The following CSMD1 variants were observed in gnomAD, a reference collection of about 807,000 sequenced individuals.
CSMD1 encodes the protein CUB and sushi domain-containing protein 1.
A neutral mutation model predicts 417.5 loss-of-function variants in CSMD1; 213 were observed. The observed-to-expected ratio is 0.51, with a 90% CI of 0.46 to 0.57. The LOEUF (loss-of-function observed/expected upper bound fraction) is 0.57. Ranked by LOEUF, CSMD1 falls within the 20% of genes least tolerant of loss-of-function variation. CSMD1 has a pLI of 0.00. For missense variants in CSMD1, 6,923 were observed against 4,529.7 expected (o/e 1.53, Z -15.17); for synonymous variants, 2,862 against 1,736.8 (o/e 1.65, Z -16.11).
intron 5 of CSMD1, among the ~76,000 whole-genome samples, chr8:3,846,151 C>G (rs1226738237): frequency 6.6e-6 from 1 of 152,142 alleles, no homozygotes; most frequent in Non-Finnish European, 1.5e-5. Flanking sequence ...TGATCAGGAT[C>G]AAGCATTATG....
intron 2 of CSMD1, among the ~76,000 whole-genome samples, chr8:4,621,006 A>G (rs1286590364): frequency 1.3e-5 from 2 of 152,042 alleles, no homozygotes; most frequent in Non-Finnish European, 2.9e-5. Flanking sequence ...GGGAATTAAT[A>G]CAAATCAGCA....
At chr8:4,277,750 TA>T (rs1236436334) in intron 3 of CSMD1, among the ~76,000 whole-genome samples, 24 of 152,290 alleles carry the variant, frequency 1.6e-4, no homozygotes, top group African/African-American at 5.8e-4. Flanking sequence ...AATGTATTTT[TA>T]TTTTTGTTTT....
At chr8:3,893,107 A>G (rs1563184745) in intron 5 of CSMD1, among the ~76,000 whole-genome samples, 1 of 151,934 alleles carries the variant, frequency 6.6e-6, no homozygotes. Context: ...ATCTCTGCAA[A>G]AAACATGACA....
intron 41 of CSMD1, among the ~76,000 whole-genome samples, chr8:3,122,765 G>A (rs569327052): frequency 6.6e-6 from 1 of 152,290 alleles, no homozygotes; most frequent in East Asian, 1.9e-4. Context: ...CCCCAGCCAT[G>A]TGGAACTGTA....
At chr8:3,752,324 G>A (rs1797382421) in intron 6 of CSMD1, among the ~76,000 whole-genome samples, 1 of 152,080 alleles carries the variant, frequency 6.6e-6, no homozygotes, top group African/African-American at 2.4e-5. Flanking sequence ...ACATCAGAAG[G>A]CAATCTAAGA....
At chr8:3,735,864 A>C (rs1796499507) in intron 6 of CSMD1, among the ~76,000 whole-genome samples, 1 of 152,184 alleles carries the variant, frequency 6.6e-6, no homozygotes, top group African/African-American at 2.4e-5. Context: ...TATGCCTAGA[A>C]TTTTTCTAAA....
At chr8:2,963,768 G>T (rs530812164) in intron 59 of CSMD1, among the ~76,000 whole-genome samples, 3 of 152,086 alleles carry the variant, frequency 2.0e-5, no homozygotes, top group Admixed American at 2.0e-4. Context: ...AAATTTATAG[G>T]CACAGATGGT....
At chr8:4,496,107 A>T (rs927734506) in intron 2 of CSMD1, among the ~76,000 whole-genome samples, 1 of 152,196 alleles carries the variant, frequency 6.6e-6, no homozygotes, top group Admixed American at 6.5e-5. Context: ...ACATGAGCTA[A>T]GTTAAAGAAA....
intron 5 of CSMD1, among the ~76,000 whole-genome samples, chr8:3,964,341 A>C (rs1812530259): frequency 6.6e-6 from 1 of 152,162 alleles, no homozygotes; most frequent in African/African-American, 2.4e-5. Flanking sequence ...ACCGTGACTT[A>C]TTTGAGCACT....
At chr8:4,106,447 C>G (rs1801572463) in intron 3 of CSMD1, among the ~76,000 whole-genome samples, 1 of 152,112 alleles carries the variant, frequency 6.6e-6, no homozygotes, top group African/African-American at 2.4e-5. Context: ...ATTTTACACA[C>G]CAAACTCTCA....
intron 8 of CSMD1, among the ~76,000 whole-genome samples, chr8:3,601,862 T>A (rs1801376334): frequency 6.6e-6 from 1 of 152,148 alleles, no homozygotes; most frequent in Non-Finnish European, 1.5e-5. Flanking sequence ...AGAAATGTGT[T>A]GAAGCAAAGG....
chr8:4,298,536 C>G (rs1797807957), intron 3 of CSMD1, among the ~76,000 whole-genome samples: 1 of 152,068 alleles, frequency 6.6e-6, no homozygotes, highest in African/African-American at 2.4e-5. Context: ...ACAATGTACA[C>G]ATGTAGCAAA....
intron 11 of CSMD1, among the ~76,000 whole-genome samples, chr8:3,483,140 T>C (rs955246692): frequency 4.0e-5 from 6 of 151,856 alleles, no homozygotes; most frequent in African/African-American, 1.2e-4. Context: ...ATTAATGAAA[T>C]AGAAATAGAT....
At chr8:3,429,857 C>T (rs1160217177) in intron 12 of CSMD1, among the ~76,000 whole-genome samples, 3 of 152,108 alleles carry the variant, frequency 2.0e-5, no homozygotes, top group Non-Finnish European at 2.9e-5. Flanking sequence ...CAGCAACAGC[C>T]AGCACTACTG....
intron 1 of CSMD1, among the ~76,000 whole-genome samples, chr8:4,853,746 G>C (rs1269054219): frequency 6.6e-6 from 1 of 152,146 alleles, no homozygotes; most frequent in Non-Finnish European, 1.5e-5. Context: ...TCATGGAAAA[G>C]TCATAGGCAC....
intron 26 of CSMD1, chr8:3,278,373 C>T (rs774625792): frequency 6.6e-6 from 1 of 152,134 alleles, no homozygotes. Context: ...TATTTTCTCT[C>T]CAATAATTTA....
At chr8:4,191,552 T>G (rs892175917) in intron 3 of CSMD1, among the ~76,000 whole-genome samples, 1 of 152,166 alleles carries the variant, frequency 6.6e-6, no homozygotes. Flanking sequence ...GAACTACAAC[T>G]GAAAATGCTT....
intron 22 of CSMD1, among the ~76,000 whole-genome samples, chr8:3,346,227 T>C (rs2117628032): frequency 6.6e-6 from 1 of 152,342 alleles, no homozygotes; most frequent in South Asian, 2.1e-4. Context: ...AACTTTTTGT[T>C]ATAATCAACT....
At chr8:3,513,311 A>T (rs1014491167) in intron 10 of CSMD1, among the ~76,000 whole-genome samples, 3 of 151,322 alleles carry the variant, frequency 2.0e-5, no homozygotes, top group African/African-American at 4.9e-5. Flanking sequence ...TCCATAGGTA[A>T]GTCCTGGCTT....
Sources: allele counts gnomAD v4.1 joint callset (sites outside exome capture counted in the v4.1 genomes callset), GRCh38; gene constraint gnomAD v4.1.1; transcripts MANE v1.5; gene names NCBI Gene and HGNC (gene_info 2026-07-23, HGNC 2026-07-21).